The following RGSL1 variants were observed in gnomAD, a reference collection of about 807,000 sequenced individuals.
RGSL1 encodes the protein regulator of G protein signaling protein-like.
In RGSL1, 97 loss-of-function variants were observed where a neutral mutation model predicts 124.7. The ratio of observed to expected loss-of-function variants is 0.78; its 90% confidence interval spans 0.66 to 0.92. The LOEUF (loss-of-function observed/expected upper bound fraction) is 0.92, where lower values mean the gene tolerates loss of function less well. Ranked by LOEUF, RGSL1 falls within the 40% of genes least tolerant of loss-of-function variation. The pLI, the probability that RGSL1 is intolerant of heterozygous loss-of-function variation, is 0.00. For synonymous variants in RGSL1, 424 were observed against 438.1 expected, an observed-to-expected ratio of 0.97 and a Z score of 0.40; for missense variants, 1,233 against 1,288.4, an observed-to-expected ratio of 0.96 and a Z score of 0.66.
In RGSL1 at chr1:182,517,933, T is replaced by C. The variant is rs1658021581; in HGVS notation, c.1826-4071T>C. Among the ~76,000 whole-genome samples, 4 of 152,220 alleles carry C rather than the reference T, an allele frequency of 2.6e-5. 1 individual carries two copies. ...GATTGTGGTTCTCTGTTTGCTCTTGTTTCTTGTGGGTCTACGTATGTGTCT... is the reference window on the plus strand; with the variant it reads ...GATTGTGGTTCTCTGTTTGCTCTTGCTTCTTGTGGGTCTACGTATGTGTCT... On this transcript the variant is annotated intron_variant, in intron 9 of 21. Transcript: ENST00000294854.
intron 9 of RGSL1, among the ~76,000 whole-genome samples, chr1:182,509,803 C>A (rs1426278491): frequency 2.6e-5 from 3 of 116,086 alleles, no homozygotes; most frequent in African/African-American, 1.0e-4. Flanking sequence ...GGGCGGCTGG[C>A]CGGGCGGGGG....
At position 182,473,760 on chromosome 1, in the gene RGSL1, A is replaced by G. The variant is rs1365092991; in HGVS notation, c.649A>G (p.Thr217Ala). Residue 217 changes from threonine (T) to alanine (A), a missense_variant, in exon 6 of 22, where the codon ACT (threonine) becomes GCT (alanine). Physicochemically the swap from Thr to Ala is moderately conservative, Grantham distance 58 (BLOSUM62 0). Coordinates refer to ENST00000294854, the MANE Select transcript of RGSL1 (RefSeq NM_001137669.2). ...ACHGLMQEYE[T>A]RLYSVCYTHI... Reference sequence around the variant, plus strand: ...CCATGGTCTGATGCAAGAGTACGAGACTCGCTTATACAGCGTTTGCTACAC... The same window carrying G: ...CCATGGTCTGATGCAAGAGTACGAGGCTCGCTTATACAGCGTTTGCTACAC... 2 of 1,551,652 alleles carry G rather than the reference A, an allele frequency of 1.3e-6. No individual in the cohort carries two copies. Among genetic ancestry groups the G allele is most frequent in the East Asian group, 4.9e-5 (2 of 40,892 alleles).
intron 9 of RGSL1, among the ~76,000 whole-genome samples, chr1:182,518,564 T>C (rs879683138): frequency 2.0e-5 from 3 of 152,186 alleles, no homozygotes; most frequent in Non-Finnish European, 2.9e-5. Context: ...CAAATTTCCC[T>C]TCAGGCACTC....
chr1:182,468,745 T>C (rs1228516930), intron 4 of RGSL1, among the ~76,000 whole-genome samples: 2 of 151,848 alleles, frequency 1.3e-5, no homozygotes, highest in Non-Finnish European at 2.9e-5. Context: ...ACATGTACCC[T>C]AAAACTTAAA....
chr1:182,530,466 C>CA (rs775363775), intron 12 of RGSL1, 105 bp downstream of exon 12: 2 of 877,136 alleles, frequency 2.3e-6, no homozygotes, highest in Non-Finnish European at 3.5e-6. Flanking sequence ...AGCTCATTGC[C>CA]AGAGCCTCTC....
chr1:182,494,854 G>A (rs1655801694), intron 9 of RGSL1, among the ~76,000 whole-genome samples: 1 of 152,180 alleles, frequency 6.6e-6, no homozygotes, highest in South Asian at 2.1e-4. Context: ...AGCTCTCAAA[G>A]GAAATAGAAC....
At chr1:182,549,129 G>C (rs10911095) in intron 17 of RGSL1, 140,256 of 262,782 alleles carry the variant, frequency 0.53, 37,845 homozygotes, top group Non-Finnish European at 0.56. Context: ...TCACAAGAAG[G>C]TAAGAGTGAA....
rs1479542348 is a variant in RGSL1, at chr1:182,553,389, TAGAG to T, written c.3044-62_3044-59del. 7.4e-6 allele frequency: 9 copies of T among 1,210,044 alleles called. 1 individual carries two copies. The African/African-American group carries it at 1.1e-4, about 14-fold the overall frequency. 75.0% of individuals were successfully genotyped at this position (1,210,044 alleles called of 1,614,324 possible). On this transcript the variant is annotated intron_variant, in intron 18 of 21. Transcript: ENST00000294854. ...TTAAACAAGAGCTTTATTGCTTACT[TAGAG>T]AGATTTATTTCAGTAGGAGTTGTCG...
chr1:182,550,110 T>C (rs548347834), intron 17 of RGSL1: 1 of 152,322 alleles, frequency 6.6e-6, no homozygotes, highest in African/African-American at 2.4e-5. Context: ...TTTACATATA[T>C]TATCTTAAAC....
At position 182,548,354 on chromosome 1, in the gene RGSL1, G is replaced by A; in HGVS notation, c.2707G>A (p.Val903Ile). 6.4e-7 allele frequency: 1 copy of A among 1,551,940 alleles called. No homozygotes were observed. The highest frequency in any genetic ancestry group is 8.7e-7 in the Non-Finnish European group (1 of 1,147,040). ...DLVSSAHMLQ[V>I]NRAYNENDVI... The stretch of plus-strand genomic sequence containing the variant: ...GGTCAGTTCAGCCCACATGCTGCAG[G>A]TCAACCGGGCATATAATGAGAATGA... Residue 903 changes from valine to isoleucine, a missense_variant, in exon 16 of 22, where the codon GTC (valine) becomes ATC (isoleucine). Physicochemically the swap from Val to Ile is conservative, Grantham distance 29. Coordinates refer to ENST00000294854, the MANE Select transcript of RGSL1 (RefSeq NM_001137669.2).
rs1187294588 is a variant in RGSL1, at chr1:182,522,255, G to A, written c.1931+146G>A. 6.2e-6 allele frequency: 4 copies of A among 640,050 alleles called. No individual in the cohort carries two copies. The African/African-American group carries it at 7.5e-5, about 12-fold the overall frequency. The allele number at this position is 640,050 out of a possible 1,614,324, so 39.6% of individuals were successfully genotyped here. ...ATACATACAGGTACAGACACTCTTA[G>A]TATTTTAAATCATTTATTTTCTAAA... On this transcript the variant is annotated intron_variant, in intron 10 of 21. Coordinates refer to ENST00000294854, the MANE Select transcript of RGSL1 (RefSeq NM_001137669.2).
At chr1:182,488,081 A>G (rs1015483199) in intron 6 of RGSL1, among the ~76,000 whole-genome samples, 2 of 152,234 alleles carry the variant, frequency 1.3e-5, no homozygotes, top group Non-Finnish European at 2.9e-5. Context: ...TCTGAGACTT[A>G]GAGAGAGGCT....
In RGSL1 at chr1:182,558,641, G is replaced by A. The variant is rs116276073; in HGVS notation, c.*166-1638G>A. On this transcript the variant is annotated intron_variant, in intron 21 of 21. Coordinates refer to ENST00000294854, the MANE Select transcript of RGSL1 (RefSeq NM_001137669.2). ...GCTGAGAGCCGTTCCCAGTTTCTGA[G>A]AAGCCACCTGCATTCCTTGGCTCAT... Among the ~76,000 whole-genome samples, 1,188 of 152,218 alleles carry A rather than the reference G, an allele frequency of 7.8e-3. 21 individuals are homozygous for A. Among genetic ancestry groups the A allele is most frequent in the African/African-American group, 0.027 (1,105 of 41,532 alleles).
rs371263987 is a variant in RGSL1 at position 182,464,365 on chromosome 1, T to C, written c.301+4232T>C. Among the ~76,000 whole-genome samples the C allele has an allele frequency of 7.1e-4, 108 of 152,116 alleles. 1 individual carries two copies. The South Asian group carries it at 0.022, about 31-fold the overall frequency. On this transcript the variant is annotated intron_variant, in intron 4 of 21. Transcript: ENST00000294854. The stretch of plus-strand genomic sequence containing the variant: ...AATAACATGAAATAGAGAAAATCAG[T>C]GAGATCAAAAATTGGTCCTTTGAAA...
At chr1:182,508,116 T>C (rs1420092281) in intron 9 of RGSL1, among the ~76,000 whole-genome samples, 3 of 152,158 alleles carry the variant, frequency 2.0e-5, no homozygotes, top group Non-Finnish European at 4.4e-5. Flanking sequence ...CTATTTTTCA[T>C]ACTGGCTGTA....
At chr1:182,473,275 G>A (rs1025710586) in intron 5 of RGSL1, among the ~76,000 whole-genome samples, 2 of 152,056 alleles carry the variant, frequency 1.3e-5, no homozygotes, top group African/African-American at 2.4e-5. Flanking sequence ...GTTCTTAATC[G>A]TTTTTCTTGT....
Position 182,511,260 on chromosome 1 carries a change from G to A in RGSL1, c.1826-10744G>A, listed in dbSNP as rs1479770008. ...GGCTCACTGCAACGTGTGCCTCCCG[G>A]TTCAAGAGATTCTCCTGCCTCAGCC... On this transcript the variant is annotated intron_variant, in intron 9 of 21. Transcript: ENST00000294854. 2.6e-5 allele frequency among the ~76,000 whole-genome samples: 4 copies of A among 152,082 alleles called. No individual in the cohort carries two copies. The South Asian group carries it at 8.3e-4, about 31-fold the overall frequency.
intron 14 of RGSL1, among the ~76,000 whole-genome samples, chr1:182,535,172 GC>G (rs954664597): frequency 2.0e-5 from 3 of 152,120 alleles, no homozygotes; most frequent in Non-Finnish European, 4.4e-5. Context: ...GACACCTGGT[GC>G]CCCTCTTCAA....
In RGSL1 at chr1:182,548,702, GA is replaced by G; in HGVS notation, c.2813del (p.Asn938MetfsTer19). 6.4e-7 allele frequency: 1 copy of G among 1,551,564 alleles called. No homozygotes were observed. Among genetic ancestry groups the G allele is most frequent in the South Asian group, 1.2e-5 (1 of 84,028 alleles). ...ACAGGCTCCCACTCTGTGGGTAGGT[GA>G]ATGTCCCTGAGTTCCAGAAGGATGC... Reference protein sequence around the residue: ...NSDIPPKLRVNVPEFQKDAIL... With the variant: ...NSDIPPKLRVXVPEFQKDAIL... On this transcript the variant is annotated frameshift_variant, in exon 17 of 22. Coordinates refer to ENST00000294854, the MANE Select transcript of RGSL1 (RefSeq NM_001137669.2). LOFTEE classifies it high-confidence loss of function.
Sources: gnomAD v4.1 joint callset for allele counts (sites outside exome capture counted in the v4.1 genomes callset) on GRCh38, gnomAD v4.1.1 for gene constraint, MANE v1.5 for transcripts, NCBI Gene and HGNC (gene_info 2026-07-23, HGNC 2026-07-21) for gene names.